Variants in ANTXR2 observed in about 807,000 individuals in gnomAD.
ANTXR2 encodes anthrax toxin receptor 2.
ANTXR2 carries 44 observed loss-of-function variants against 73.7 expected under a neutral mutation model. That is an observed-to-expected ratio of 0.60 (90% CI 0.47 to 0.77). The LOEUF (loss-of-function observed/expected upper bound fraction) is 0.77. Among genes scored for constraint, ANTXR2 ranks in the 30% least tolerant of loss-of-function variants. ANTXR2 has a pLI of 0.00. For synonymous variants in ANTXR2, 217 were observed against 205.9 expected (o/e 1.05, Z -0.46); for missense variants, 604 against 592.5 (o/e 1.02, Z -0.20).
At chr4:80,013,722 T>C (rs370083912) in intron 11 of ANTXR2, among the ~76,000 whole-genome samples, 113 of 152,288 alleles carry the variant, frequency 7.4e-4, no homozygotes, top group African/African-American at 2.6e-3. Context: ...AGATATTTCA[T>C]ACATAAATCA....
At position 79,958,673 on chromosome 4, in the gene ANTXR2, C is replaced by T. The variant is rs554107935; in HGVS notation, c.1428+18948G>A. On this transcript the variant is annotated intron_variant, in intron 16 of 16. Coordinates refer to ENST00000403729, the MANE Select transcript of ANTXR2 (RefSeq NM_058172.6). ...ACTGGCAAATTTACAACCAACAGCT[C>T]GGACAGCTGTCCTACTTTAAGCAGT... Among the ~76,000 whole-genome samples, 4 of 152,210 alleles carry T rather than the reference C, an allele frequency of 2.6e-5. No individual in the cohort carries two copies. The East Asian group carries it at 5.8e-4, about 22-fold the overall frequency.
chr4:79,973,565 C>T (rs552602057), intron 16 of ANTXR2, among the ~76,000 whole-genome samples: 1 of 152,166 alleles, frequency 6.6e-6, no homozygotes, highest in Non-Finnish European at 1.5e-5. Context: ...GTAGCTGGGA[C>T]TACAGGTGTG....
chr4:80,060,152 C>T (rs1404823786), intron 3 of ANTXR2, among the ~76,000 whole-genome samples: 2 of 152,156 alleles, frequency 1.3e-5, no homozygotes, highest in Non-Finnish European at 2.9e-5. Context: ...GTGAGAATTC[C>T]TCACACTCAG....
intron 1 of ANTXR2, 40 bp from the exon 2 acceptor site, chr4:80,071,694 G>A (rs756828977): frequency 1.6e-5 from 24 of 1,499,254 alleles, no homozygotes; most frequent in Non-Finnish European, 2.1e-5. Flanking sequence ...AACAAAACAC[G>A]GAACTGAAAA....
intron 16 of ANTXR2, among the ~76,000 whole-genome samples, chr4:79,950,368 ATT>A (rs1728661729): frequency 6.6e-6 from 1 of 152,118 alleles, no homozygotes. Flanking sequence ...AACCTCCACC[ATT>A]TTAGGAAGAA....
intron 7 of ANTXR2, among the ~76,000 whole-genome samples, chr4:80,043,586 CA>C (rs1274077658): frequency 1.3e-5 from 2 of 151,942 alleles, no homozygotes; most frequent in Non-Finnish European, 2.9e-5. Context: ...TTCAGATAAG[CA>C]AAATATTCTC....
chr4:80,059,308 G>C (rs1205969032), intron 3 of ANTXR2, among the ~76,000 whole-genome samples: 1 of 138,972 alleles, frequency 7.2e-6, no homozygotes, highest in Non-Finnish European at 1.6e-5. Context: ...AAAGAGAGGA[G>C]GCACACAAAC....
At chr4:79,936,839 A>C (rs1461627973) in intron 16 of ANTXR2, among the ~76,000 whole-genome samples, 1 of 152,064 alleles carries the variant, frequency 6.6e-6, no homozygotes, top group Non-Finnish European at 1.5e-5. Context: ...GTACAATGGT[A>C]CTACACTAGT....
chr4:79,953,034 C>T (rs905772037), intron 16 of ANTXR2, among the ~76,000 whole-genome samples: 2 of 152,074 alleles, frequency 1.3e-5, no homozygotes, highest in Non-Finnish European at 2.9e-5. Flanking sequence ...CCCTTGGCCC[C>T]TCCATGTGAA....
intron 7 of ANTXR2, among the ~76,000 whole-genome samples, chr4:80,049,182 C>T (rs1733661010): frequency 6.6e-6 from 1 of 151,686 alleles, no homozygotes; most frequent in South Asian, 2.1e-4. Flanking sequence ...CCTGTTTTTA[C>T]ACAAGGAAGG....
At chr4:79,978,309 C>A in intron 14 of ANTXR2, 135 bp from the exon 15 acceptor site, 1 of 750,586 alleles carries the variant, frequency 1.3e-6, no homozygotes, top group Admixed American at 4.0e-5. Context: ...TTCCTAATTT[C>A]TCCTCTTCAG....
intron 14 of ANTXR2, among the ~76,000 whole-genome samples, chr4:79,979,827 G>C (rs186713737): frequency 2.0e-4 from 29 of 145,142 alleles, no homozygotes; most frequent in Middle Eastern, 3.4e-3. Flanking sequence ...ACATATCCTT[G>C]CAGTTGTAAA....
intron 16 of ANTXR2, among the ~76,000 whole-genome samples, chr4:79,928,278 T>G (rs921871611): frequency 5.3e-5 from 8 of 152,130 alleles, no homozygotes; most frequent in African/African-American, 1.9e-4. Context: ...TATTGTATGA[T>G]CCCACTTATA....
intron 12 of ANTXR2, among the ~76,000 whole-genome samples, chr4:79,987,527 G>A (rs1161746717): frequency 6.6e-6 from 1 of 152,148 alleles, no homozygotes; most frequent in African/African-American, 2.4e-5. Context: ...GAAAGAGATA[G>A]AGAACAAGCA....
intron 11 of ANTXR2, 85 bp downstream of exon 11, chr4:80,018,813 A>C: frequency 2.9e-6 from 3 of 1,034,256 alleles, no homozygotes; most frequent in Non-Finnish European, 4.2e-6. Context: ...CCTTTATTGT[A>C]GTATGCAACA....
chr4:80,051,242 A>ATTT (rs1733761172), intron 7 of ANTXR2, among the ~76,000 whole-genome samples: 3 of 151,598 alleles, frequency 2.0e-5, no homozygotes, highest in African/African-American at 7.3e-5. Flanking sequence ...CCCTAAGGTG[A>ATTT]CTCACTGAAA....
At chr4:80,008,810 TA>T (rs1731432414) in intron 11 of ANTXR2, among the ~76,000 whole-genome samples, 194 bp from the exon 12 acceptor site, 1 of 152,192 alleles carries the variant, frequency 6.6e-6, no homozygotes, top group Non-Finnish European at 1.5e-5. Context: ...TGTTTTATGT[TA>T]TATTGTTGTG....
intron 12 of ANTXR2, among the ~76,000 whole-genome samples, chr4:79,996,339 A>ATGGG (rs1406165594): frequency 6.6e-6 from 1 of 151,642 alleles, no homozygotes; most frequent in African/African-American, 2.4e-5. Flanking sequence ...GGATGGATGG[A>ATGGG]TGGATGGATG....
In ANTXR2 at chr4:80,022,523, G is replaced by A. The variant is rs1247136476; in HGVS notation, c.867-3547C>T. ...GCCCACTGTAATGCAAACCAAATTC[G>A]GTAAGCTTTCCTTGCCTCAAGAGTC... is the stretch of plus-strand genomic sequence containing the variant. On this transcript the variant is annotated intron_variant, in intron 10 of 16. Transcript: ENST00000403729. 9.9e-5 allele frequency among the ~76,000 whole-genome samples: 15 copies of A among 152,202 alleles called. No individual in the cohort carries two copies. The East Asian group carries it at 1.4e-3, about 14-fold the overall frequency.
Sources: allele counts gnomAD v4.1 joint callset (sites outside exome capture counted in the v4.1 genomes callset), GRCh38; gene constraint gnomAD v4.1.1; transcripts MANE v1.5; gene names NCBI Gene and HGNC (gene_info 2026-07-23, HGNC 2026-07-21).